Variants in ERC2 observed in about 807,000 individuals in gnomAD.
The protein encoded by ERC2 is ERC protein 2.
In ERC2, 42 loss-of-function variants were observed where a neutral mutation model predicts 114.8. The observed-to-expected ratio is 0.37, with a 90% CI of 0.29 to 0.47. The LOEUF is 0.47. Ranked by LOEUF, ERC2 falls within the 20% of genes least tolerant of loss-of-function variation. The pLI is 0.99. For synonymous variants in ERC2, 454 were observed against 425.5 expected, an observed-to-expected ratio of 1.07 and a Z score of -0.82; for missense variants, 939 against 1,150.7, an observed-to-expected ratio of 0.82 and a Z score of 2.66.
chr3:56,055,131 GGCCC>G (rs1341115425), intron 7 of ERC2, among the ~76,000 whole-genome samples: 2 of 152,140 alleles, frequency 1.3e-5, no homozygotes, highest in Non-Finnish European at 2.9e-5. Flanking sequence ...CGGCGACCTG[GGCCC>G]CGTTAATCAA....
intron 3 of ERC2, among the ~76,000 whole-genome samples, chr3:56,293,741 C>T (rs1055384483): frequency 6.6e-6 from 1 of 152,198 alleles, no homozygotes; most frequent in Non-Finnish European, 1.5e-5. Context: ...CTTCTGTGTG[C>T]TTTCAAACTG....
At chr3:55,545,411 C>A (rs905877836) in intron 17 of ERC2, among the ~76,000 whole-genome samples, 1 of 152,218 alleles carries the variant, frequency 6.6e-6, no homozygotes, top group African/African-American at 2.4e-5. Context: ...TGTCCTACTG[C>A]ATTTCTGCAG....
intron 12 of ERC2, among the ~76,000 whole-genome samples, chr3:55,967,534 G>T (rs1414596576): frequency 6.6e-6 from 1 of 152,078 alleles, no homozygotes. Flanking sequence ...TTCCTTCAAA[G>T]AAGAAATTTA....
At chr3:56,049,833 TGTGTGTGTGTGTG>T (rs750380982) in intron 7 of ERC2, among the ~76,000 whole-genome samples, 285 of 111,416 alleles carry the variant, frequency 2.6e-3, no homozygotes, top group Non-Finnish European at 4.1e-3. Flanking sequence ...TGTGTGTGTG[TGTGTGTGTGTGTG>T]TGTGTGTGTG....
chr3:56,131,970 C>A (rs745367626), intron 6 of ERC2, among the ~76,000 whole-genome samples: 1 of 152,134 alleles, frequency 6.6e-6, no homozygotes, highest in Non-Finnish European at 1.5e-5. Context: ...AATTATTACA[C>A]GTCAATTAAA....
chr3:56,369,206 C>T (rs148892654), intron 2 of ERC2, among the ~76,000 whole-genome samples: 151 of 152,200 alleles, frequency 9.9e-4, no homozygotes, highest in African/African-American at 3.5e-3. Flanking sequence ...CTGTTCTTTC[C>T]TCTTCTTTAT....
chr3:56,246,075 G>GT (rs2051678648), intron 3 of ERC2, among the ~76,000 whole-genome samples: 1 of 126,806 alleles, frequency 7.9e-6, no homozygotes, highest in East Asian at 2.4e-4. Context: ...CTAATCATCA[G>GT]TTTTTCCTCA....
At position 56,385,356 on chromosome 3, in the gene ERC2, C is replaced by T. The variant is rs2059898546; in HGVS notation, c.657+48995G>A. ...ACTAATTCCATTCATGAGGGCTCTG[C>T]TGTCATAATCCAATCACTTCCCAAA... On this transcript the variant is annotated intron_variant, in intron 2 of 17. Coordinates refer to ENST00000288221, the MANE Select transcript of ERC2 (RefSeq NM_015576.3). Among the ~76,000 whole-genome samples, 3 of 152,072 alleles carry T rather than the reference C, an allele frequency of 2.0e-5. No homozygotes were observed. The South Asian group carries it at 6.2e-4, about 32-fold the overall frequency.
chr3:56,112,885 G>A, intron 6 of ERC2, among the ~76,000 whole-genome samples: 1 of 152,032 alleles, frequency 6.6e-6, no homozygotes, highest in East Asian at 1.9e-4. Flanking sequence ...TCAAGCAGTA[G>A]CCGATAAAGG....
At chr3:55,807,456 T>A (rs184497790) in intron 14 of ERC2, among the ~76,000 whole-genome samples, 1 of 151,982 alleles carries the variant, frequency 6.6e-6, no homozygotes, top group Non-Finnish European at 1.5e-5. Flanking sequence ...GTAAGCAGAG[T>A]TCTTCTGTAA....
chr3:55,699,561 A>C, intron 15 of ERC2, 49 bp from the exon 16 acceptor site: 2 of 1,559,598 alleles, frequency 1.3e-6, no homozygotes, highest in Non-Finnish European at 1.7e-6. Context: ...CCAGAAGATC[A>C]GTCAAAGAGA....
intron 13 of ERC2, among the ~76,000 whole-genome samples, chr3:55,912,295 A>G (rs555790733): frequency 1.2e-4 from 19 of 152,326 alleles, no homozygotes; most frequent in African/African-American, 3.6e-4. Context: ...AGTGCGAGTG[A>G]GAAAGATAAT....
chr3:55,648,519 G>A (rs2060483038), intron 17 of ERC2, among the ~76,000 whole-genome samples: 1 of 152,226 alleles, frequency 6.6e-6, no homozygotes, highest in African/African-American at 2.4e-5. Context: ...GGGAGCCACA[G>A]AGATGTGTCT....
At chr3:55,727,159 C>T (rs116086336) in intron 15 of ERC2, among the ~76,000 whole-genome samples, 5,023 of 151,994 alleles carry the variant, frequency 0.033, 266 homozygotes, top group African/African-American at 0.11. Context: ...GTCCTTTTTT[C>T]AAGGGTGAAG....
chr3:56,135,583 A>G (rs1006435733), intron 6 of ERC2, among the ~76,000 whole-genome samples: 1 of 152,196 alleles, frequency 6.6e-6, no homozygotes, highest in African/African-American at 2.4e-5. Flanking sequence ...CACTTTTCAC[A>G]TAGATGTATG....
At chr3:56,372,507 C>A (rs1317750) in intron 2 of ERC2, among the ~76,000 whole-genome samples, 2,880 of 152,150 alleles carry the variant, frequency 0.019, 96 homozygotes, top group African/African-American at 0.066. Flanking sequence ...GCAGGCAGAT[C>A]GCTTGAGCCC....
intron 8 of ERC2, among the ~76,000 whole-genome samples, 152 bp from the exon 9 acceptor site, chr3:56,010,741 C>T (rs1185127980): frequency 1.3e-5 from 2 of 152,188 alleles, no homozygotes; most frequent in African/African-American, 4.8e-5. Context: ...CGTGGGGAGG[C>T]TGTGCATAAC....
intron 3 of ERC2, among the ~76,000 whole-genome samples, chr3:56,178,709 GA>G (rs891651249): frequency 2.4e-4 from 37 of 151,968 alleles, no homozygotes; most frequent in African/African-American, 7.5e-4. Flanking sequence ...ATACAGCAGT[GA>G]ACCAAACAGA....
At chr3:55,882,366 A>G (rs1435393776) in intron 14 of ERC2, among the ~76,000 whole-genome samples, 1 of 152,078 alleles carries the variant, frequency 6.6e-6, no homozygotes, top group Non-Finnish European at 1.5e-5. Flanking sequence ...CAAATGAACC[A>G]TTTTTCTTTA....
Sources: allele counts gnomAD v4.1 joint callset (sites outside exome capture counted in the v4.1 genomes callset), GRCh38; gene constraint gnomAD v4.1.1; transcripts MANE v1.5; gene names NCBI Gene and HGNC (gene_info 2026-07-23, HGNC 2026-07-21).